The following LMBR1 variants were observed in gnomAD, a reference collection of about 807,000 sequenced individuals.
LMBR1 encodes limb development membrane protein 1, also known as limb region 1 protein homolog.
In LMBR1, 52 loss-of-function variants were observed where a neutral mutation model predicts 73.9. That is an observed-to-expected ratio of 0.70 (90% CI 0.56 to 0.89). The LOEUF is 0.89. Ranked by LOEUF, LMBR1 falls within the 40% of genes least tolerant of loss-of-function variation. LMBR1 has a pLI of 0.00. For synonymous variants in LMBR1, 215 were observed against 209.4 expected (o/e 1.03, Z -0.23); for missense variants, 539 against 579.8 (o/e 0.93, Z 0.72).
intron 5 of LMBR1, among the ~76,000 whole-genome samples, chr7:156,778,735 C>T (rs1283011013): frequency 6.6e-6 from 1 of 152,216 alleles, no homozygotes; most frequent in Non-Finnish European, 1.5e-5. Context: ...TTCAAGAACA[C>T]AGCCTTTATG....
intron 15 of LMBR1, among the ~76,000 whole-genome samples, chr7:156,691,046 G>A (rs1348300892): frequency 3.9e-5 from 6 of 152,064 alleles, no homozygotes; most frequent in East Asian, 1.9e-4. Flanking sequence ...CTCTATTTCC[G>A]TAAAAAGGTA....
At chr7:156,749,755 T>C (rs561909385) in intron 9 of LMBR1, among the ~76,000 whole-genome samples, 1 of 152,298 alleles carries the variant, frequency 6.6e-6, no homozygotes, top group South Asian at 2.1e-4. Context: ...AATGGCGTGA[T>C]CTCGGCTCAC....
intron 10 of LMBR1, among the ~76,000 whole-genome samples, chr7:156,730,580 C>T (rs553149386): frequency 6.6e-6 from 1 of 152,308 alleles, no homozygotes; most frequent in South Asian, 2.1e-4. Flanking sequence ...AAGAAGAAAA[C>T]ACCATGCAGA....
intron 9 of LMBR1, among the ~76,000 whole-genome samples, chr7:156,746,563 G>C (rs1244772639): frequency 6.6e-6 from 1 of 152,102 alleles, no homozygotes; most frequent in Non-Finnish European, 1.5e-5. Flanking sequence ...GCACACAATA[G>C]GTAATTAATA....
chr7:156,778,548 A>G (rs560572780), intron 5 of LMBR1, among the ~76,000 whole-genome samples: 1 of 152,256 alleles, frequency 6.6e-6, no homozygotes, highest in African/African-American at 2.4e-5. Context: ...TGTTCATTAA[A>G]TGCAAGGTGG....
At chr7:156,866,956 G>T (rs1365411016) in intron 1 of LMBR1, among the ~76,000 whole-genome samples, 1 of 152,122 alleles carries the variant, frequency 6.6e-6, no homozygotes, top group Non-Finnish European at 1.5e-5. Context: ...ACATACAAGC[G>T]TGAGACCTTC....
At chr7:156,864,866 G>C (rs982850875) in intron 1 of LMBR1, among the ~76,000 whole-genome samples, 4 of 151,906 alleles carry the variant, frequency 2.6e-5, no homozygotes, top group African/African-American at 9.7e-5. Context: ...CACGGTGGTG[G>C]GTGCTTGTAA....
chr7:156,672,915 C>T (rs1458437482), downstream of LMBR1, among the ~76,000 whole-genome samples: 1 of 152,198 alleles, frequency 6.6e-6, no homozygotes, highest in African/African-American at 2.4e-5. Context: ...GGTTCTTAAA[C>T]CTGAATGGGC....
chr7:156,760,813 CT>C (rs1822841581), intron 8 of LMBR1, among the ~76,000 whole-genome samples: 1 of 152,276 alleles, frequency 6.6e-6, no homozygotes, highest in Admixed American at 6.5e-5. Flanking sequence ...AGTATAGCCC[CT>C]ATAACACTTC....
chr7:156,747,692 AC>A (rs538437423), intron 9 of LMBR1, among the ~76,000 whole-genome samples: 2 of 151,960 alleles, frequency 1.3e-5, no homozygotes, highest in Non-Finnish European at 2.9e-5. Flanking sequence ...TTACCATATA[AC>A]CAAAAAAAAG....
At chr7:156,751,396 T>TG (rs927074722) in intron 9 of LMBR1, among the ~76,000 whole-genome samples, 8 of 151,644 alleles carry the variant, frequency 5.3e-5, no homozygotes, top group African/African-American at 1.7e-4. Context: ...AGGGGCTCAG[T>TG]GGGGGAAGAG....
At chr7:156,868,270 T>C (rs1436473342) in intron 1 of LMBR1, among the ~76,000 whole-genome samples, 1 of 150,730 alleles carries the variant, frequency 6.6e-6, no homozygotes, top group Admixed American at 6.6e-5. Flanking sequence ...CTCGGCTCAC[T>C]GAAACCTCCA....
intron 12 of LMBR1, among the ~76,000 whole-genome samples, chr7:156,727,053 G>A (rs1815919834): frequency 6.6e-6 from 1 of 152,148 alleles, no homozygotes; most frequent in Non-Finnish European, 1.5e-5. Context: ...CCTGTGATAT[G>A]TAAAACTTAT....
At chr7:156,809,247 T>A (rs1048788098) in intron 4 of LMBR1, among the ~76,000 whole-genome samples, 1 of 152,254 alleles carries the variant, frequency 6.6e-6, no homozygotes, top group Non-Finnish European at 1.5e-5. Context: ...CTGCTGATGA[T>A]GAATTTTTAT....
Position 156,833,335 on chromosome 7 carries a change from G to A in LMBR1, c.179+418C>T, listed in dbSNP as rs192607487. ...CAGGACCTCCCTATCATATCTCACC[G>A]GTGTACATAAGGAACCTACAGGACG... On this transcript the variant is annotated intron_variant, in intron 3 of 16. Coordinates refer to ENST00000353442, the MANE Select transcript of LMBR1 (RefSeq NM_022458.4). The A allele has an allele frequency of 1.8e-3, 278 of 157,620 alleles. 2 individuals carry two copies. Among genetic ancestry groups the A allele is most frequent in the African/African-American group, 6.4e-3 (267 of 41,658 alleles). The allele number at this position is 157,620 out of a possible 1,614,324, so 9.8% of individuals were successfully genotyped here.
intron 4 of LMBR1, among the ~76,000 whole-genome samples, chr7:156,806,674 A>G (rs1297007025): frequency 8.2e-6 from 1 of 121,434 alleles, no homozygotes; most frequent in Non-Finnish European, 1.6e-5. Flanking sequence ...CAGTGGTGCG[A>G]TTTCTCAGCT....
intron 16 of LMBR1, among the ~76,000 whole-genome samples, chr7:156,684,492 G>C (rs542704754): frequency 1.6e-4 from 25 of 152,278 alleles, no homozygotes; most frequent in African/African-American, 6.0e-4. Context: ...GCCAGCGGAG[G>C]CTTCCAGTGT....
At position 156,688,100 on chromosome 7, in the gene LMBR1, A is replaced by G; in HGVS notation, c.1317T>C (p.Ala439=). Residue 439 remains alanine, a synonymous_variant, in exon 16 of 17, where the codon GCT becomes GCC. Coordinates refer to ENST00000353442, the MANE Select transcript of LMBR1 (RefSeq NM_022458.4). ...YIVLSYNLLF[A]IVTTLCLVRK... is the part of the protein sequence containing the mutation. ...GGACCAGACACAATGTTGTCACAATAGCAAAAAGCAAATTGTAGGATAATA... is the reference window on the plus strand; with the variant it reads ...GGACCAGACACAATGTTGTCACAATGGCAAAAAGCAAATTGTAGGATAATA... The G allele has an allele frequency of 6.2e-7, 1 of 1,613,240 alleles. No homozygotes were observed. The highest frequency in any genetic ancestry group is 1.7e-4 in the Middle Eastern group (1 of 6,058).
intron 1 of LMBR1, among the ~76,000 whole-genome samples, chr7:156,846,153 T>C (rs1795449973): frequency 6.6e-6 from 1 of 152,104 alleles, no homozygotes; most frequent in Non-Finnish European, 1.5e-5. Context: ...GAACATGTAG[T>C]GCCAGCTACT....
Sources: allele counts gnomAD v4.1 joint callset (sites outside exome capture counted in the v4.1 genomes callset), GRCh38; gene constraint gnomAD v4.1.1; transcripts MANE v1.5; gene names NCBI Gene and HGNC (gene_info 2026-07-23, HGNC 2026-07-21).